The following NUP93 variants were observed in gnomAD, a reference collection of about 807,000 sequenced individuals.
The protein encoded by NUP93 is nuclear pore complex protein Nup93.
In NUP93, 55 loss-of-function variants were observed where a neutral mutation model predicts 107.8. That is an observed-to-expected ratio of 0.51 (90% CI 0.41 to 0.64). The LOEUF (loss-of-function observed/expected upper bound fraction) is 0.64. NUP93 is among the 30% of genes least tolerant of loss of function. The pLI is 0.00. For synonymous variants in NUP93, 390 were observed against 397.5 expected, an observed-to-expected ratio of 0.98 and a Z score of 0.22; for missense variants, 937 against 1,044.7, an observed-to-expected ratio of 0.90 and a Z score of 1.42.
chr16:56,786,715 G>A (rs1334536803), intron 3 of NUP93, among the ~76,000 whole-genome samples: 2 of 152,212 alleles, frequency 1.3e-5, no homozygotes, highest in African/African-American at 2.4e-5. Flanking sequence ...CCTGGGATGG[G>A]CAGAGTTGTT....
chr16:56,839,703 C>A, intron 20 of NUP93, 99 bp downstream of exon 20: 1 of 935,766 alleles, frequency 1.1e-6, no homozygotes, highest in South Asian at 1.4e-5. Flanking sequence ...ATTCTAGTTA[C>A]AGTAACTATC....
chr16:56,779,757 T>G (rs949846359), intron 3 of NUP93, among the ~76,000 whole-genome samples: 2 of 152,190 alleles, frequency 1.3e-5, no homozygotes, highest in African/African-American at 4.8e-5. Context: ...AATACCCTCT[T>G]AATTTATTTG....
intron 4 of NUP93, among the ~76,000 whole-genome samples, chr16:56,804,222 TATACCCAGAAGAATTGAA>T (rs1344855648): frequency 6.6e-6 from 1 of 152,152 alleles, no homozygotes; most frequent in African/African-American, 2.4e-5. Flanking sequence ...CTTCTGAGTA[TATACCCAGAAGAATTGAA>T]AGCAGGGATA....
At position 56,747,148 on chromosome 16, in the gene NUP93, G is replaced by C. The variant is rs374764403; in HGVS notation, c.-14-1086G>C. On this transcript the variant is annotated intron_variant, in intron 1 of 21. Coordinates refer to ENST00000308159, the MANE Select transcript of NUP93 (RefSeq NM_014669.5). ...CGAGTAGCTGGGATTATAGGTGTGT[G>C]CCACCATGCCCAGCTAATTTTTGTA... Among the ~76,000 whole-genome samples the C allele has an allele frequency of 1.1e-4, 17 of 152,166 alleles. No individual in the cohort carries two copies. The South Asian group carries it at 3.5e-3, about 32-fold the overall frequency.
At chr16:56,839,432 T>C in intron 19 of NUP93, 89 bp from the exon 20 acceptor site, 1 of 990,384 alleles carries the variant, frequency 1.0e-6, no homozygotes, top group Non-Finnish European at 1.5e-6. Context: ...AGAAGCCCTT[T>C]GGAGTATGTG....
chr16:56,836,119 A>C (rs1262028203), intron 16 of NUP93, among the ~76,000 whole-genome samples: 5 of 141,336 alleles, frequency 3.5e-5, no homozygotes, highest in Admixed American at 7.3e-5. Flanking sequence ...ACAGAGCAAG[A>C]CTCTGTCTCA....
At chr16:56,764,957 A>G (rs1275922042) in intron 3 of NUP93, among the ~76,000 whole-genome samples, 1 of 152,222 alleles carries the variant, frequency 6.6e-6, no homozygotes, top group African/African-American at 2.4e-5. Flanking sequence ...TTATTACCAG[A>G]GCTGCTTTAG....
In NUP93 at chr16:56,847,939, G is replaced by T. The variant is rs895363172; in HGVS notation, c.*3330G>T. 2 of 152,264 alleles carry T rather than the reference G, an allele frequency of 1.3e-5. No individual in the cohort carries two copies. The highest frequency in any genetic ancestry group is 6.8e-3 in the Middle Eastern group (2 of 294). The allele number at this position is 152,264 out of a possible 1,614,324, so 9.4% of individuals were successfully genotyped here. A position where few individuals can be genotyped will look rare whatever the true frequency, so the allele number is the denominator to read the frequency against. On this transcript the variant is annotated 3_prime_UTR_variant, in exon 22 of 22. Transcript: ENST00000308159. ...AAAGCAAAGAACTACAGACTTTTCC[G>T]CAGTGTCCAGCATTTGCTGACCAAA...
chr16:56,805,444 T>TA (rs1464801117), intron 4 of NUP93, 60 bp from the exon 5 acceptor site: 2 of 1,603,078 alleles, frequency 1.2e-6, no homozygotes, highest in Non-Finnish European at 1.7e-6. Context: ...TGTTGGGTCT[T>TA]AAACCATGTT....
Position 56,777,545 on chromosome 16 carries a change from T to G in NUP93, c.297+18890T>G, listed in dbSNP as rs542869265. ...CTGCCTAAATCTGGTGTTCCTCACT[T>G]AAAATAATATTCAGGATGAAATGTC... On this transcript the variant is annotated intron_variant, in intron 3 of 21. Coordinates refer to ENST00000308159, the MANE Select transcript of NUP93 (RefSeq NM_014669.5). 3.5e-4 allele frequency among the ~76,000 whole-genome samples: 53 copies of G among 152,326 alleles called. No individual in the cohort carries two copies. The Middle Eastern group carries it at 0.02, about 59-fold the overall frequency.
At chr16:56,798,562 G>C (rs373744210) in intron 4 of NUP93, 24 bp downstream of exon 4, 2 of 1,590,092 alleles carry the variant, frequency 1.3e-6, no homozygotes, top group Admixed American at 1.7e-5. Context: ...CCAAAATGTA[G>C]ATGTATACAG....
chr16:56,737,660 C>G (rs1197863618), intron 1 of NUP93, among the ~76,000 whole-genome samples: 1 of 151,102 alleles, frequency 6.6e-6, no homozygotes, highest in Non-Finnish European at 1.5e-5. Flanking sequence ...TTCTTCAGCT[C>G]ATTGTGATGT....
chr16:56,734,907 C>T (rs2144428802), intron 1 of NUP93, among the ~76,000 whole-genome samples: 1 of 152,284 alleles, frequency 6.6e-6, no homozygotes, highest in Non-Finnish European at 1.5e-5. Context: ...ACTCCATGCA[C>T]CCTACTGTCT....
chr16:56,849,870 A>G lies in NUP93; in HGVS notation c.*5261A>G, dbSNP rs1233169858. The G allele has an allele frequency of 6.6e-6, 1 of 152,150 alleles. No homozygotes were observed. The highest frequency in any genetic ancestry group is 2.4e-5 in the African/African-American group (1 of 41,414). 9.4% of individuals were successfully genotyped at this position (152,150 alleles called of 1,614,324 possible). On this transcript the variant is annotated 3_prime_UTR_variant, in exon 22 of 22. Coordinates refer to ENST00000308159, the MANE Select transcript of NUP93 (RefSeq NM_014669.5). The stretch of plus-strand genomic sequence containing the variant: ...TTTGTGGGCATCGGAAATGACTGAG[A>G]TACGCAGTTTTGAAGAGCTAGGCAG...
At chr16:56,740,100 C>T (rs1213700036) in intron 1 of NUP93, among the ~76,000 whole-genome samples, 27 of 126,742 alleles carry the variant, frequency 2.1e-4, no homozygotes, top group Admixed American at 3.1e-4. Flanking sequence ...CCCTCCCGGA[C>T]GGGGCGGCTG....
chr16:56,783,860 T>C (rs1292403609), intron 3 of NUP93: 25 of 985,328 alleles, frequency 2.5e-5, no homozygotes, highest in Non-Finnish European at 2.9e-5. Context: ...AAAATGGAAT[T>C]CTTTTGTCTA....
At chr16:56,816,661 C>T (rs775750481) in intron 5 of NUP93, among the ~76,000 whole-genome samples, 2 of 152,180 alleles carry the variant, frequency 1.3e-5, no homozygotes, top group Non-Finnish European at 2.9e-5. Flanking sequence ...CTTGTGTTTC[C>T]ATCTCATTGG....
chr16:56,827,650 A>G (rs1364569684), intron 8 of NUP93, among the ~76,000 whole-genome samples: 2 of 152,200 alleles, frequency 1.3e-5, no homozygotes, highest in Non-Finnish European at 2.9e-5. Context: ...ATTGAACCTG[A>G]ATCAAATAAT....
At chr16:56,794,141 T>A (rs1045602580) in intron 3 of NUP93, among the ~76,000 whole-genome samples, 4 of 152,116 alleles carry the variant, frequency 2.6e-5, no homozygotes. Flanking sequence ...TGTGTTATTA[T>A]TTTTAAAAAT....
Sources: allele counts gnomAD v4.1 joint callset (sites outside exome capture counted in the v4.1 genomes callset), GRCh38; gene constraint gnomAD v4.1.1; transcripts MANE v1.5; gene names NCBI Gene and HGNC (gene_info 2026-07-23, HGNC 2026-07-21).